Variants in CHN1 observed in about 807,000 individuals in gnomAD.
CHN1 encodes N-chimaerin.
A neutral mutation model predicts 59.5 loss-of-function variants in CHN1; 37 were observed. That is an observed-to-expected ratio of 0.62 (90% CI 0.48 to 0.82). CHN1 has a LOEUF of 0.82. CHN1 is among the 40% of genes least tolerant of loss of function. The pLI is 0.00. For synonymous variants in CHN1, 206 were observed against 200.4 expected (o/e 1.03, Z -0.24); for missense variants, 469 against 571.0 (o/e 0.82, Z 1.82).
At chr2:174,838,189 GT>G (rs1417102607) in intron 7 of CHN1, among the ~76,000 whole-genome samples, 6 of 152,070 alleles carry the variant, frequency 3.9e-5, no homozygotes, top group Non-Finnish European at 8.8e-5. Context: ...CGCCTCCCAG[GT>G]TTAAGCAATT....
In CHN1 at chr2:174,993,901, T is replaced by C. The variant is rs988466753; in HGVS notation, c.19+10993A>G. Among the ~76,000 whole-genome samples, 8 of 152,206 alleles carry C rather than the reference T, an allele frequency of 5.3e-5. No homozygotes were observed. The South Asian group carries it at 8.3e-4, about 16-fold the overall frequency. ...TTAAACTGCTGTTTATATCTGCTCTTCTCACAACCATCTAAAAACTAATAG... is the reference window on the plus strand; with the variant it reads ...TTAAACTGCTGTTTATATCTGCTCTCCTCACAACCATCTAAAAACTAATAG... On this transcript the variant is annotated intron_variant, in intron 1 of 12. Coordinates refer to ENST00000409900, the MANE Select transcript of CHN1 (RefSeq NM_001822.7).
intron 1 of CHN1, among the ~76,000 whole-genome samples, chr2:174,975,859 C>G (rs1436281368): frequency 4.6e-5 from 7 of 151,958 alleles, no homozygotes; most frequent in Non-Finnish European, 7.4e-5. Context: ...AAGTGGCTCA[C>G]ACCTGTAATC....
chr2:174,966,639 A>G (rs1559001748), intron 1 of CHN1, among the ~76,000 whole-genome samples: 1 of 152,208 alleles, frequency 6.6e-6, no homozygotes. Flanking sequence ...ATACTCCTGA[A>G]AACAAAAAGC....
intron 1 of CHN1, among the ~76,000 whole-genome samples, chr2:174,965,316 T>C (rs1364851510): frequency 6.6e-6 from 1 of 152,112 alleles, no homozygotes; most frequent in Non-Finnish European, 1.5e-5. Flanking sequence ...ATTCTTTTTG[T>C]ATCATTATAT....
intron 1 of CHN1, among the ~76,000 whole-genome samples, chr2:174,984,763 G>C (rs182929155): frequency 2.6e-5 from 4 of 152,268 alleles, no homozygotes; most frequent in African/African-American, 9.6e-5. Flanking sequence ...ACAGAAGAAA[G>C]GGCAAGCTAA....
At chr2:174,960,745 C>T (rs1690371122) in intron 1 of CHN1, among the ~76,000 whole-genome samples, 1 of 151,986 alleles carries the variant, frequency 6.6e-6, no homozygotes, top group Non-Finnish European at 1.5e-5. Context: ...TCGTTTGAAC[C>T]CAGGAGGCAG....
At position 174,978,238 on chromosome 2, in the gene CHN1, C is replaced by A. The variant is rs567876224; in HGVS notation, c.20-26036G>T. Among the ~76,000 whole-genome samples, 9 of 152,270 alleles carry A rather than the reference C, an allele frequency of 5.9e-5. 1 individual carries two copies. The East Asian group carries it at 1.7e-3, about 29-fold the overall frequency. On this transcript the variant is annotated intron_variant, in intron 1 of 12. Coordinates refer to ENST00000409900, the MANE Select transcript of CHN1 (RefSeq NM_001822.7). ...TTAGTTAGCGTTCTTCAACCTAGAA[C>A]ATTTCCCACTCCTCTAGGTTTTAAA...
At chr2:174,996,538 G>A (rs1351219274) in intron 1 of CHN1, among the ~76,000 whole-genome samples, 6 of 152,158 alleles carry the variant, frequency 3.9e-5, no homozygotes, top group Admixed American at 6.5e-5. Flanking sequence ...CTGATTACCT[G>A]TAAAGAAATT....
At chr2:174,801,075 G>A (rs913169064) in intron 12 of CHN1, among the ~76,000 whole-genome samples, 5 of 152,214 alleles carry the variant, frequency 3.3e-5, no homozygotes, top group Admixed American at 1.3e-4. Context: ...ACTTGGTCGT[G>A]TAATTTGGAA....
intron 6 of CHN1, among the ~76,000 whole-genome samples, chr2:174,848,514 A>G (rs903178466): frequency 1.3e-5 from 2 of 152,178 alleles, no homozygotes; most frequent in African/African-American, 4.8e-5. Context: ...CAATTATGCC[A>G]ATGTTACACT....
At chr2:174,810,749 A>G (rs1194194857) in intron 10 of CHN1, among the ~76,000 whole-genome samples, 4 of 152,322 alleles carry the variant, frequency 2.6e-5, no homozygotes, top group South Asian at 4.1e-4. Flanking sequence ...TGTTGCCTAC[A>G]AGAGGTCTGT....
At chr2:174,802,549 G>A (rs552416408) in intron 11 of CHN1, among the ~76,000 whole-genome samples, 49 of 152,328 alleles carry the variant, frequency 3.2e-4, no homozygotes, top group Middle Eastern at 3.4e-3. Context: ...ATTTTGAAGG[G>A]AACCATCTTA....
rs10568066 is a variant in CHN1, at chr2:174,910,899, CAAAAAAAAAAAAAAAA to C, written c.260+4143_260+4158del. Among the ~76,000 whole-genome samples, 8 of 76,642 alleles carry C rather than the reference CAAAAAAAAAAAAAAAA, an allele frequency of 1.0e-4. No homozygotes were observed. In the East Asian group the frequency reaches 1.5e-3, roughly 14 times the overall value. 50.3% of individuals were successfully genotyped at this position (76,642 alleles called of 152,430 possible). ...TGGGCGACAGAACGAGACTCCGTCT[CAAAAAAAAAAAAAAAA>C]AAAAAAAAAGAGAAAGTAGATATCA... On this transcript the variant is annotated intron_variant, in intron 5 of 12. Transcript: ENST00000409900.
chr2:174,823,786 C>A (rs1380686740), intron 8 of CHN1, among the ~76,000 whole-genome samples: 1 of 152,148 alleles, frequency 6.6e-6, no homozygotes, highest in Non-Finnish European at 1.5e-5. Context: ...ATCTCAAATA[C>A]ATCCTTGTGT....
At chr2:174,918,913 C>G (rs116469368) in intron 3 of CHN1, among the ~76,000 whole-genome samples, 1 of 152,108 alleles carries the variant, frequency 6.6e-6, no homozygotes, top group East Asian at 1.9e-4. Flanking sequence ...GCAGCTTTCT[C>G]CCCCATCCTC....
Position 174,800,275 on chromosome 2 carries a change from G to A in CHN1, c.1221C>T (p.His407=), listed in dbSNP as rs765073937. The change falls in exon 13 of 13, where the codon CAC becomes CAT. Residue 407 remains histidine (H), a synonymous_variant. Coordinates refer to ENST00000409900, the MANE Select transcript of CHN1 (RefSeq NM_001822.7). ...CTGCATTCATAAGATTCTCCTTTTC[G>A]TGGAGGGTCACTCTGAAAAATGCAA... The part of the protein sequence containing the change: ...LMAHLKRVTL[H]EKENLMNAEN... 3.3e-5 allele frequency: 47 copies of A among 1,432,812 alleles called. No individual in the cohort carries two copies. Among genetic ancestry groups the A allele is most frequent in the African/African-American group, 2.4e-4 (17 of 70,138 alleles). The allele number at this position is 1,432,812 out of a possible 1,614,324, so 88.8% of individuals were successfully genotyped here. A position where few individuals can be genotyped will look rare whatever the true frequency, so the allele number is the denominator to read the frequency against.
intron 9 of CHN1, chr2:174,812,066 C>A (rs1302943417): frequency 1.6e-5 from 6 of 365,764 alleles, no homozygotes; most frequent in African/African-American, 6.3e-5. Context: ...AGACTGGAAG[C>A]ATCATCTATA....
intron 7 of CHN1, among the ~76,000 whole-genome samples, chr2:174,836,217 G>T (rs1392047935): frequency 6.6e-6 from 1 of 152,130 alleles, no homozygotes; most frequent in Non-Finnish European, 1.5e-5. Context: ...GAATCATTTT[G>T]TTTGTGTTCC....
At position 174,947,487 on chromosome 2, in the gene CHN1, A is replaced by ATTT. The variant is rs71031076; in HGVS notation, c.59-2547_59-2545dup. Among the ~76,000 whole-genome samples, 64 of 135,674 alleles carry ATTT rather than the reference A, an allele frequency of 4.7e-4. 1 individual carries two copies. Among genetic ancestry groups the ATTT allele is most frequent in the African/African-American group, 1.3e-3 (48 of 36,304 alleles). 89.0% of individuals were successfully genotyped at this position (135,674 alleles called of 152,430 possible). ...ATCTTTAAGACTCTTTTTTTTTTTAATTTTTTTTTTTTTTTGAGACAGTGT... is the reference window on the plus strand; with the variant it reads ...ATCTTTAAGACTCTTTTTTTTTTTAATTTTTTTTTTTTTTTTTTGAGACAGTGT... On this transcript the variant is annotated intron_variant, in intron 2 of 12. Transcript: ENST00000409900.
Sources: gnomAD v4.1 joint callset for allele counts (sites outside exome capture counted in the v4.1 genomes callset) on GRCh38, gnomAD v4.1.1 for gene constraint, MANE v1.5 for transcripts, NCBI Gene and HGNC (gene_info 2026-07-23, HGNC 2026-07-21) for gene names.